Variants in ACKR2 observed in about 807,000 individuals in gnomAD.
ACKR2 encodes C-C chemokine receptor D6.
For synonymous variants in ACKR2, 207 were observed against 192.2 expected, an observed-to-expected ratio of 1.08 and a Z score of -0.64; for missense variants, 457 against 477.3, an observed-to-expected ratio of 0.96 and a Z score of 0.40.
At chr3:42,860,187 A>C (rs1180666883) in intron 2 of ACKR2, among the ~76,000 whole-genome samples, 1 of 145,950 alleles carries the variant, frequency 6.9e-6, no homozygotes, top group African/African-American at 2.6e-5. Flanking sequence ...AAAAAAAAAA[A>C]AAGCAGGGGA....
chr3:42,865,309 C>T lies in ACKR2; in HGVS notation c.807C>T (p.Thr269=), dbSNP rs1335357068. ...TGCTATGGTTCCCATACAATCTCAC[C>T]TTGTTTCTGCATACGCTGTTGGACC... is the stretch of plus-strand genomic sequence containing the variant. ...FFVLWFPYNL[T]LFLHTLLDLQ... Residue 269 remains threonine (T), a synonymous_variant, in exon 3 of 3, where the codon ACC becomes ACT. Transcript: ENST00000422265. The T allele has an allele frequency of 6.2e-7, 1 of 1,614,116 alleles. No homozygotes were observed. The highest frequency in any genetic ancestry group is 2.2e-5 in the East Asian group (1 of 44,902).
chr3:42,825,871 T>G (rs1700858624), intron 2 of ACKR2, among the ~76,000 whole-genome samples: 2 of 151,322 alleles, frequency 1.3e-5, no homozygotes, highest in African/African-American at 4.8e-5. Flanking sequence ...TTTTGTTTTT[T>G]TTTTTTGTAG....
chr3:42,825,600 T>TGTGC lies in ACKR2; in HGVS notation c.-38+5890_-38+5891insTGCG, dbSNP rs751368512. On this transcript the variant is annotated intron_variant, in intron 2 of 2. Coordinates refer to ENST00000422265, the MANE Select transcript of ACKR2 (RefSeq NM_001296.5). ...TGATGTGTGTGTGTGTGTGTGTGTG[T>TGTGC]GCGTGTGTGTGTGTGTATTTCTTAG... Among the ~76,000 whole-genome samples, 7 of 150,972 alleles carry TGTGC rather than the reference T, an allele frequency of 4.6e-5. No homozygotes were observed. In the South Asian group the frequency reaches 6.3e-4, roughly 14 times the overall value.
chr3:42,854,102 G>A (rs1411811836), intron 2 of ACKR2, among the ~76,000 whole-genome samples: 1 of 152,150 alleles, frequency 6.6e-6, no homozygotes, highest in African/African-American at 2.4e-5. Context: ...GGGAGATGGT[G>A]GGAGACACAA....
chr3:42,826,933 C>T lies in ACKR2; in HGVS notation c.-38+7222C>T, dbSNP rs145108344. 2.2e-4 allele frequency among the ~76,000 whole-genome samples: 33 copies of T among 152,218 alleles called. No homozygotes were observed. In the Middle Eastern group the frequency reaches 0.017, roughly 78 times the overall value. ...ACATTTTATTTTTGTTTTCATTCATCTCAAAGTATTTTCTAATCTCCCTTG... is the reference window on the plus strand; with the variant it reads ...ACATTTTATTTTTGTTTTCATTCATTTCAAAGTATTTTCTAATCTCCCTTG... On this transcript the variant is annotated intron_variant, in intron 2 of 2. Transcript: ENST00000422265.
chr3:42,822,813 C>CAA (rs71072739), intron 2 of ACKR2, among the ~76,000 whole-genome samples: 20,971 of 80,996 alleles, frequency 0.26, 2,886 homozygotes, highest in East Asian at 0.62. Flanking sequence ...GACTCCAGCT[C>CAA]AAAAAAAAAA....
intron 2 of ACKR2, among the ~76,000 whole-genome samples, chr3:42,828,717 T>TG (rs980350751): frequency 1.2e-4 from 18 of 152,248 alleles, no homozygotes; most frequent in Middle Eastern, 3.4e-3. Flanking sequence ...ACTGATGATT[T>TG]GGGGGGCTAA....
chr3:42,851,888 C>G (rs1337357220), intron 2 of ACKR2, among the ~76,000 whole-genome samples: 1 of 152,168 alleles, frequency 6.6e-6, no homozygotes, highest in Non-Finnish European at 1.5e-5. Flanking sequence ...CACCCTCTCC[C>G]CATCCTGCTC....
chr3:42,826,100 A>G (rs1700862065), intron 2 of ACKR2, among the ~76,000 whole-genome samples: 1 of 152,004 alleles, frequency 6.6e-6, no homozygotes, highest in African/African-American at 2.4e-5. Flanking sequence ...TTAACTAGTC[A>G]TGGTGTATAA....
intron 2 of ACKR2, among the ~76,000 whole-genome samples, chr3:42,862,590 C>T (rs902556596): frequency 2.0e-5 from 3 of 151,584 alleles, no homozygotes; most frequent in Non-Finnish European, 2.9e-5. Flanking sequence ...GGAGGCATCA[C>T]GCTACCTGAC....
intron 2 of ACKR2, among the ~76,000 whole-genome samples, chr3:42,843,316 C>G (rs569610078): frequency 2.0e-5 from 3 of 152,142 alleles, no homozygotes; most frequent in South Asian, 2.1e-4. Context: ...AGTGATCTGC[C>G]CCCCCAGCCT....
At position 42,864,992 on chromosome 3, in the gene ACKR2, C is replaced by G; in HGVS notation, c.490C>G (p.Leu164Val). 6.2e-7 allele frequency: 1 copy of G among 1,614,194 alleles called. No homozygotes were observed. The change falls in exon 3 of 3, where the codon CTT becomes GTT. Residue 164 changes from leucine to valine, a missense_variant. By Grantham distance (32) the Leu-to-Val change is conservative. Coordinates refer to ENST00000422265, the MANE Select transcript of ACKR2 (RefSeq NM_001296.5). Reference protein sequence around the residue: ...RLRTRAKSLLLATIVWAVSLA... With the variant: ...RLRTRAKSLLVATIVWAVSLA... ...GAGGACCCGGGCCAAGAGCCTGCTC[C>G]TTGCTACCATAGTATGGGCTGTGTC... is the stretch of plus-strand genomic sequence containing the variant.
intron 2 of ACKR2, among the ~76,000 whole-genome samples, chr3:42,825,059 C>T (rs1006048503): frequency 2.0e-5 from 3 of 152,098 alleles, no homozygotes; most frequent in African/African-American, 4.8e-5. Flanking sequence ...CAGTTCTATT[C>T]GATTGATCTA....
chr3:42,818,117 C>T, intron 1 of ACKR2, among the ~76,000 whole-genome samples: 1 of 152,184 alleles, frequency 6.6e-6, no homozygotes, highest in Non-Finnish European at 1.5e-5. Flanking sequence ...GCTATCTATT[C>T]AACTGTGTTG....
At chr3:42,828,092 A>ATTTTTTTT (rs71072742) in intron 2 of ACKR2, among the ~76,000 whole-genome samples, 9 of 121,896 alleles carry the variant, frequency 7.4e-5, no homozygotes, top group South Asian at 5.6e-4. Flanking sequence ...ATATATATAT[A>ATTTTTTTT]TTTTTTTTTT....
intron 2 of ACKR2, among the ~76,000 whole-genome samples, chr3:42,822,195 T>TAAAA (rs35806843): frequency 6.6e-6 from 1 of 151,548 alleles, no homozygotes; most frequent in Non-Finnish European, 1.5e-5. Context: ...AATAAATAAA[T>TAAAA]AAAATATGGA....
Position 42,867,073 on chromosome 3 carries a change from A to G in ACKR2, c.*1416A>G, listed in dbSNP as rs937406457. 6.1e-6 allele frequency: 1 copy of G among 164,540 alleles called. No individual in the cohort carries two copies. Among genetic ancestry groups the G allele is most frequent in the Middle Eastern group, 3.1e-3 (1 of 318 alleles). 10.2% of individuals were successfully genotyped at this position (164,540 alleles called of 1,614,324 possible). A position where few individuals can be genotyped will look rare whatever the true frequency, so the allele number is the denominator to read the frequency against. On this transcript the variant is annotated 3_prime_UTR_variant, in exon 3 of 3. Coordinates refer to ENST00000422265, the MANE Select transcript of ACKR2 (RefSeq NM_001296.5). The stretch of plus-strand genomic sequence containing the variant: ...TTTTTTGTGGAGACAGGGTCTCAGT[A>G]TGTTACCCAGGTTGGACTGGAAACC...
intron 1 of ACKR2, among the ~76,000 whole-genome samples, chr3:42,817,020 A>G (rs774345379): frequency 1.3e-4 from 20 of 152,182 alleles, no homozygotes; most frequent in Non-Finnish European, 8.8e-5. Flanking sequence ...TTAAATGCTT[A>G]TGGACATTAT....
At position 42,867,165 on chromosome 3, in the gene ACKR2, A is replaced by C. The variant is rs1171069422; in HGVS notation, c.*1508A>C. ...TGGGATTACAGGCGTGAGCCACTGC[A>C]CAGGGCCAGATTCATCATTTCAAAG... On this transcript the variant is annotated 3_prime_UTR_variant, in exon 3 of 3. Coordinates refer to ENST00000422265, the MANE Select transcript of ACKR2 (RefSeq NM_001296.5). 6.0e-6 allele frequency: 1 copy of C among 167,154 alleles called. No individual in the cohort carries two copies. The highest frequency in any genetic ancestry group is 1.5e-5 in the Non-Finnish European group (1 of 68,166). The allele number at this position is 167,154 out of a possible 1,614,324, so 10.4% of individuals were successfully genotyped here. A position where few individuals can be genotyped will look rare whatever the true frequency, so the allele number is the denominator to read the frequency against.
Sources: gnomAD v4.1 joint callset for allele counts (sites outside exome capture counted in the v4.1 genomes callset) on GRCh38, gnomAD v4.1.1 for gene constraint, MANE v1.5 for transcripts, NCBI Gene and HGNC (gene_info 2026-07-23, HGNC 2026-07-21) for gene names.